The following IMPDH1 variants were observed in gnomAD, a reference collection of about 807,000 sequenced individuals.
IMPDH1 encodes the protein inosine-5'-monophosphate dehydrogenase 1.
Under a neutral mutation model 73.5 loss-of-function variants are expected in IMPDH1, and 41 were observed. The ratio of observed to expected loss-of-function variants is 0.56; its 90% confidence interval spans 0.43 to 0.72. The LOEUF is 0.72. Among genes scored for constraint, IMPDH1 ranks in the 30% least tolerant of loss-of-function variants. The pLI is 0.00. For missense variants in IMPDH1, 645 were observed against 824.8 expected (o/e 0.78, Z 2.67); for synonymous variants, 318 against 334.3 (o/e 0.95, Z 0.53).
intron 5 of IMPDH1, among the ~76,000 whole-genome samples, chr7:128,402,050 G>A (rs1798376659): frequency 1.3e-5 from 2 of 151,614 alleles, no homozygotes; most frequent in East Asian, 1.9e-4. Flanking sequence ...AAGGGCCACA[G>A]CCTTCCTGAC....
At chr7:128,403,413 C>A (rs533949109) in intron 5 of IMPDH1, among the ~76,000 whole-genome samples, 1 of 152,088 alleles carries the variant, frequency 6.6e-6, no homozygotes, top group Non-Finnish European at 1.5e-5. Flanking sequence ...CAAAAATTAT[C>A]GGGGGGTTTT....
intron 9 of IMPDH1, 139 bp downstream of exon 9, chr7:128,399,956 C>T: frequency 1.3e-6 from 1 of 775,230 alleles, no homozygotes; most frequent in Non-Finnish European, 2.3e-6. Context: ...GAGTTGTGCT[C>T]TGGCCTGCCT....
Position 128,394,864 on chromosome 7 carries a change from C to A in IMPDH1, c.1550+25G>T. ...CTGAAGGGTTGTGGGCTGATCTGCC[C>A]AGGTGGGGCCCAGGGTCAGGGAACC... is the stretch of plus-strand genomic sequence containing the variant. On this transcript the variant is annotated intron_variant, in intron 14 of 16. Transcript: ENST00000338791. This position sits in a 1 kb window ranked among gnomAD's most constrained non-coding sequence, Gnocchi z 5.5. 3.1e-6 allele frequency: 5 copies of A among 1,610,588 alleles called. No individual in the cohort carries two copies. Among genetic ancestry groups the A allele is most frequent in the Non-Finnish European group, 4.2e-6 (5 of 1,179,914 alleles).
intron 10 of IMPDH1, among the ~76,000 whole-genome samples, chr7:128,397,607 A>G (rs1798017590): frequency 6.6e-6 from 1 of 152,198 alleles, no homozygotes; most frequent in Admixed American, 6.5e-5. Context: ...GTTATAGAAT[A>G]CAGATGAATC....
At chr7:128,395,550 T>C (rs1177501995) in intron 12 of IMPDH1, among the ~76,000 whole-genome samples, 1 of 152,144 alleles carries the variant, frequency 6.6e-6, no homozygotes, top group African/African-American at 2.4e-5. Context: ...CCCAGACAGG[T>C]GGCCCCAGCC....
In IMPDH1 at chr7:128,400,342, G is replaced by A. The variant is rs774984468; in HGVS notation, c.777C>T (p.Leu259=). Residue 259 remains leucine (L), a synonymous_variant, in exon 8 of 17, where the codon CTC becomes CTT. Transcript: ENST00000338791. ...DFLAEKDHTT[L]LSEVMTPRIE... ...CCTGCCCTGCAGGTACCTCACTGAG[G>A]AGGGTGGTGTGGTCCTTCTCAGCAA... 1 of 1,613,300 alleles carries A rather than the reference G, an allele frequency of 6.2e-7. No homozygotes were observed. The highest frequency in any genetic ancestry group is 1.3e-5 in the African/African-American group (1 of 74,924).
Position 128,408,779 on chromosome 7 carries a change from C to T in IMPDH1, c.254+510G>A, listed in dbSNP as rs146828782. On this transcript the variant is annotated intron_variant, in intron 3 of 16. Transcript: ENST00000338791. ...CGCCCTGCGGCCTGAACCCCAGGAG[C>T]TGGATTTCTAGGACAGGAGAAAGGC... Among the ~76,000 whole-genome samples, 110 of 152,316 alleles carry T rather than the reference C, an allele frequency of 7.2e-4. 1 individual carries two copies. Among genetic ancestry groups the T allele is most frequent in the African/African-American group, 2.6e-3 (109 of 41,564 alleles).
intron 5 of IMPDH1, among the ~76,000 whole-genome samples, chr7:128,402,405 T>C (rs1798402760): frequency 1.3e-5 from 2 of 152,202 alleles, no homozygotes; most frequent in Non-Finnish European, 2.9e-5. Flanking sequence ...GCCCAGCTGG[T>C]AGGGGTCTTT....
chr7:128,401,262 C>A, intron 5 of IMPDH1, 146 bp from the exon 6 acceptor site: 1 of 697,180 alleles, frequency 1.4e-6, no homozygotes. Context: ...TCTAATGGAG[C>A]TTATGTTCTA....
rs927649531 is a variant in IMPDH1 at position 128,392,857 on chromosome 7, C to T, written c.*150G>A. 1.4e-6 allele frequency: 1 copy of T among 736,032 alleles called. No homozygotes were observed. Among genetic ancestry groups the T allele is most frequent in the Non-Finnish European group, 2.3e-6 (1 of 427,010 alleles). 45.6% of individuals were successfully genotyped at this position (736,032 alleles called of 1,614,324 possible). ...GGGATGCCGAGTGAGGGGCAGCAGT[C>T]CCCTCAGGACCTCCCCTCCTCTCTG... On this transcript the variant is annotated 3_prime_UTR_variant, in exon 17 of 17. Coordinates refer to ENST00000338791, the MANE Select transcript of IMPDH1 (RefSeq NM_000883.4).
Position 128,396,571 on chromosome 7 carries a change from C to A in IMPDH1, c.1261+29G>T. 1.3e-6 allele frequency: 2 copies of A among 1,491,232 alleles called. No individual in the cohort carries two copies. Among genetic ancestry groups the A allele is most frequent in the Non-Finnish European group, 1.8e-6 (2 of 1,093,318 alleles). 92.4% of individuals were successfully genotyped at this position (1,491,232 alleles called of 1,614,324 possible). Reference sequence around the variant, plus strand: ...AACAAAGGCGAGGCCCCGGGGCCAGCGGGCACTCGCTCACCTCCTGACACC... The same window carrying A: ...AACAAAGGCGAGGCCCCGGGGCCAGAGGGCACTCGCTCACCTCCTGACACC... On this transcript the variant is annotated intron_variant, in intron 12 of 16. Transcript: ENST00000338791. This position sits in a 1 kb window ranked among gnomAD's most constrained non-coding sequence, Gnocchi z 4.0.
chr7:128,399,099 G>GTGGC (rs1798132248), intron 9 of IMPDH1, among the ~76,000 whole-genome samples: 1 of 152,166 alleles, frequency 6.6e-6, no homozygotes, highest in Admixed American at 6.5e-5. Flanking sequence ...GCCGGGTGTG[G>GTGGC]TGGCTCACAG....
At position 128,394,765 on chromosome 7, in the gene IMPDH1, C is replaced by G. The variant is rs1194685589; in HGVS notation, c.1550+124G>C. 2.8e-6 allele frequency: 4 copies of G among 1,425,222 alleles called. No homozygotes were observed. Among genetic ancestry groups the G allele is most frequent in the African/African-American group, 1.4e-5 (1 of 71,324 alleles). 88.3% of individuals were successfully genotyped at this position (1,425,222 alleles called of 1,614,324 possible). A position where few individuals can be genotyped will look rare whatever the true frequency, so the allele number is the denominator to read the frequency against. The stretch of plus-strand genomic sequence containing the variant: ...CAGATCCTGGGTCTGCTACTTAAGC[C>G]CTGTGCCTCAGTTTCCAGAACCACC... On this transcript the variant is annotated intron_variant, in intron 14 of 16. Transcript: ENST00000338791. This position sits in a 1 kb window ranked among gnomAD's most constrained non-coding sequence, Gnocchi z 5.5.
At position 128,394,530 on chromosome 7, in the gene IMPDH1, C is replaced by A. The variant is rs1441430046; in HGVS notation, c.1620G>T (p.Lys540Asn). 6.2e-7 allele frequency: 1 copy of A among 1,614,036 alleles called. No individual in the cohort carries two copies. Among genetic ancestry groups the A allele is most frequent in the Admixed American group, 1.7e-5 (1 of 60,026 alleles). Residue 540 changes from lysine (K) to asparagine (N), a missense_variant, in exon 15 of 17, where the codon AAG (lysine) becomes AAT (asparagine). Transcript: ENST00000338791. The surrounding 1 kb of genome is among the most constrained non-coding windows in gnomAD (Gnocchi z 5.5). The stretch of plus-strand genomic sequence containing the variant: ...TGCCTGCTATGAGGTAGGGCACGAA[C>A]TTCTGAATGGATCCTTTGTCCTGGA... ...GSIQDKGSIQ[K>N]FVPYLIAGIQ... is the part of the protein sequence containing the mutation.
chr7:128,400,659 A>G (rs1215645082), intron 7 of IMPDH1, 120 bp from the exon 8 acceptor site: 8 of 1,209,866 alleles, frequency 6.6e-6, no homozygotes, highest in African/African-American at 1.5e-5. Context: ...CAGTGGGATG[A>G]GGAGCCAGTG....
At chr7:128,408,405 A>G (rs1025080749) in intron 3 of IMPDH1, among the ~76,000 whole-genome samples, 3 of 152,188 alleles carry the variant, frequency 2.0e-5, no homozygotes, top group East Asian at 1.9e-4. Flanking sequence ...CCAGAGAGCA[A>G]TAACACTGGA....
At position 128,396,640 on chromosome 7, in the gene IMPDH1, G is replaced by GCGCA. The variant is rs1562986878; in HGVS notation, c.1217_1220dup (p.Val408AlafsTer31). On this transcript the variant is annotated frameshift_variant, in exon 12 of 17. Transcript: ENST00000338791. LOFTEE classifies it high-confidence loss of function. The surrounding 1 kb of genome is among the most constrained non-coding windows in gnomAD (Gnocchi z 4.0). Reference sequence around the variant, plus strand: ...AGATGGAGCCGCAGCCCATGCCCACGCGCAGCCCGTCCACACCAGCATCAA... The same window carrying GCGCA: ...AGATGGAGCCGCAGCCCATGCCCACGCGCACGCAGCCCGTCCACACCAGCATCAA... 1.3e-6 allele frequency: 2 copies of GCGCA among 1,555,670 alleles called. No homozygotes were observed. The highest frequency in any genetic ancestry group is 1.7e-6 in the Non-Finnish European group (2 of 1,148,958).
intron 7 of IMPDH1, 57 bp from the exon 8 acceptor site, chr7:128,400,596 G>A (rs2116663228): frequency 1.3e-6 from 2 of 1,517,430 alleles, no homozygotes; most frequent in East Asian, 4.6e-5. Flanking sequence ...TGATGTCCAG[G>A]CTGGCCACAG....
intron 1 of IMPDH1, 61 bp downstream of exon 1, chr7:128,409,695 G>T: frequency 6.6e-7 from 1 of 1,522,740 alleles, no homozygotes; most frequent in Non-Finnish European, 8.8e-7. Context: ...TCCCGGAGCC[G>T]CCGCGCCCTC....
Sources: gnomAD v4.1 joint callset for allele counts (sites outside exome capture counted in the v4.1 genomes callset) on GRCh38, gnomAD v4.1.1 for gene constraint, Gnocchi (gnomAD v3.1) non-coding constraint, MANE v1.5 for transcripts, NCBI Gene and HGNC (gene_info 2026-07-23, HGNC 2026-07-21) for gene names.